Variants in PPARGC1A observed in about 807,000 individuals in gnomAD.
PPARGC1A encodes peroxisome proliferator-activated receptor gamma coactivator 1-alpha.
A neutral mutation model predicts 88.7 loss-of-function variants in PPARGC1A; 25 were observed. That is an observed-to-expected ratio of 0.28 (90% CI 0.21 to 0.39). The LOEUF is 0.39. Ranked by LOEUF, PPARGC1A falls within the 10% of genes least tolerant of loss-of-function variation. PPARGC1A has a pLI of 1.00. For missense variants in PPARGC1A, 880 were observed against 968.7 expected (o/e 0.91, Z 1.22); for synonymous variants, 363 against 355.6 (o/e 1.02, Z -0.24).
the PPARGC1A span, among the ~76,000 whole-genome samples, chr4:24,079,848 C>T: frequency 3.9e-5 from 6 of 152,030 alleles, no homozygotes; most frequent in Middle Eastern, 3.2e-3. Flanking sequence ...ATTTTGAACA[C>T]ATTTTAAGCT....
the PPARGC1A span, among the ~76,000 whole-genome samples, chr4:23,986,477 C>T: frequency 3.9e-5 from 6 of 152,220 alleles, no homozygotes; most frequent in African/African-American, 1.2e-4. Flanking sequence ...AGCCAGCTTA[C>T]GCAGTCAGCA....
the PPARGC1A span, among the ~76,000 whole-genome samples, chr4:24,283,999 G>C: frequency 6.6e-6 from 1 of 152,056 alleles, no homozygotes. Flanking sequence ...GCATACTCAG[G>C]CTGGTCACAG....
chr4:24,466,900 A>AAAAAAAAAAAT, the PPARGC1A span, among the ~76,000 whole-genome samples: 1 of 145,090 alleles, frequency 6.9e-6, no homozygotes, highest in Non-Finnish European at 1.5e-5. Context: ...AAAAAAAAAA[A>AAAAAAAAAAAT]GAGGAAGGAA....
chr4:23,925,726 C>T, the PPARGC1A span, among the ~76,000 whole-genome samples: 1 of 152,152 alleles, frequency 6.6e-6, no homozygotes, highest in Admixed American at 6.5e-5. Flanking sequence ...GGAGGTATAG[C>T]AGAATCATTT....
chr4:24,205,718 G>A, the PPARGC1A span, among the ~76,000 whole-genome samples: 1 of 152,054 alleles, frequency 6.6e-6, no homozygotes, highest in Non-Finnish European at 1.5e-5. Flanking sequence ...TCACTATATG[G>A]TGCAGTTTTT....
At chr4:24,286,168 C>T in the PPARGC1A span, among the ~76,000 whole-genome samples, 10 of 152,108 alleles carry the variant, frequency 6.6e-5, no homozygotes, top group South Asian at 2.1e-4. Flanking sequence ...GTGAATGATA[C>T]GTTCAATTGT....
At chr4:24,352,576 C>A in the PPARGC1A span, among the ~76,000 whole-genome samples, 53 of 152,308 alleles carry the variant, frequency 3.5e-4, no homozygotes, top group Middle Eastern at 3.4e-3. Flanking sequence ...CAACAAAGGC[C>A]TGGCCAAGGT....
the PPARGC1A span, among the ~76,000 whole-genome samples, chr4:24,094,767 T>C: frequency 1.3e-5 from 2 of 152,180 alleles, no homozygotes; most frequent in African/African-American, 2.4e-5. Context: ...TTAAACAGCA[T>C]AGCTTTTATT....
chr4:24,362,350 C>CTGGATGACTGGATGGA, the PPARGC1A span, among the ~76,000 whole-genome samples: 2 of 148,946 alleles, frequency 1.3e-5, no homozygotes, highest in African/African-American at 5.0e-5. Flanking sequence ...GAACACATGA[C>CTGGATGACTGGATGGA]TGGATGGATG....
the PPARGC1A span, among the ~76,000 whole-genome samples, chr4:24,366,253 AAG>A: frequency 0.35 from 53,787 of 152,042 alleles, 10,919 homozygotes; most frequent in East Asian, 0.46. Flanking sequence ...TCATTCACTG[AAG>A]AGAGTTATCG....
chr4:24,233,373 CTCT>C, the PPARGC1A span, among the ~76,000 whole-genome samples: 1 of 152,178 alleles, frequency 6.6e-6, no homozygotes, highest in African/African-American at 2.4e-5. Flanking sequence ...CTCTCTCTCT[CTCT>C]TTTCTCATCT....
chr4:23,984,726 A>ATGT, the PPARGC1A span, among the ~76,000 whole-genome samples: 1 of 152,100 alleles, frequency 6.6e-6, no homozygotes, highest in African/African-American at 2.4e-5. Context: ...CTTCAAGTAG[A>ATGT]TGAGATTAGG....
the PPARGC1A span, among the ~76,000 whole-genome samples, chr4:23,985,770 C>G: frequency 6.6e-6 from 1 of 151,988 alleles, no homozygotes; most frequent in Non-Finnish European, 1.5e-5. Flanking sequence ...ATTTACATAT[C>G]TTTATAATGG....
At chr4:24,167,272 C>A in the PPARGC1A span, among the ~76,000 whole-genome samples, 1 of 152,290 alleles carries the variant, frequency 6.6e-6, no homozygotes, top group Non-Finnish European at 1.5e-5. Flanking sequence ...GAAGATATGA[C>A]TGAATTGCTA....
At chr4:24,395,325 C>T in the PPARGC1A span, among the ~76,000 whole-genome samples, 10 of 152,114 alleles carry the variant, frequency 6.6e-5, 1 homozygote, top group South Asian at 1.2e-3. Flanking sequence ...GTCCTCTTTT[C>T]CTTATTATAC....
At chr4:24,059,228 T>A in the PPARGC1A span, among the ~76,000 whole-genome samples, 1 of 152,332 alleles carries the variant, frequency 6.6e-6, no homozygotes, top group Non-Finnish European at 1.5e-5. Context: ...TGCTTTTTAA[T>A]GTGATGCTAT....
chr4:24,325,629 G>A, the PPARGC1A span, among the ~76,000 whole-genome samples: 14 of 152,278 alleles, frequency 9.2e-5, no homozygotes, highest in East Asian at 7.7e-4. Context: ...CTGGAACTCT[G>A]GCCTAAAGCT....
chr4:24,304,394 C>T, the PPARGC1A span, among the ~76,000 whole-genome samples: 36 of 152,278 alleles, frequency 2.4e-4, no homozygotes, highest in African/African-American at 7.2e-4. Flanking sequence ...ACAATGACCC[C>T]GGAATTTTTG....
the PPARGC1A span, among the ~76,000 whole-genome samples, chr4:24,351,841 G>A: frequency 6.6e-6 from 1 of 151,584 alleles, no homozygotes; most frequent in South Asian, 2.1e-4. Flanking sequence ...TTTTAATATG[G>A]TCTTTTCAAA....
Sources: gnomAD v4.1 joint callset for allele counts (sites outside exome capture counted in the v4.1 genomes callset) on GRCh38, gnomAD v4.1.1 for gene constraint, MANE v1.5 for transcripts, NCBI Gene and HGNC (gene_info 2026-07-23, HGNC 2026-07-21) for gene names.